Variants in NRXN3 observed in about 807,000 individuals in gnomAD.
NRXN3 encodes the protein neurexin 3.
A neutral mutation model predicts 137.6 loss-of-function variants in NRXN3; 32 were observed. That is an observed-to-expected ratio of 0.23 (90% confidence interval 0.18 to 0.31). The LOEUF (loss-of-function observed/expected upper bound fraction) is 0.31. Among genes scored for constraint, NRXN3 ranks in the 10% least tolerant of loss-of-function variants. The pLI is 1.00. For synonymous variants in NRXN3, 798 were observed against 784.5 expected, an observed-to-expected ratio of 1.02 and a Z score of -0.29; for missense variants, 1,574 against 2,062.5, an observed-to-expected ratio of 0.76 and a Z score of 4.59.
chr14:79,815,368 A>C (rs2099248592), intron 20 of NRXN3, among the ~76,000 whole-genome samples: 1 of 152,240 alleles, frequency 6.6e-6, no homozygotes, highest in Non-Finnish European at 1.5e-5. Flanking sequence ...TAAAGATTTC[A>C]GATGAAAAAT....
chr14:79,011,382 C>A (rs1171659553), intron 15 of NRXN3, among the ~76,000 whole-genome samples: 2 of 108,356 alleles, frequency 1.8e-5, no homozygotes, highest in African/African-American at 3.9e-5. Flanking sequence ...CACCTCCCCC[C>A]AACCCACCTC....
At chr14:78,336,411 A>G (rs993871952) in intron 4 of NRXN3, among the ~76,000 whole-genome samples, 1 of 152,174 alleles carries the variant, frequency 6.6e-6, no homozygotes, top group African/African-American at 2.4e-5. Context: ...AGACAAACTC[A>G]TTATTTAGCA....
chr14:79,246,745 C>T (rs1221535590), intron 15 of NRXN3: 1 of 152,058 alleles, frequency 6.6e-6, no homozygotes, highest in Non-Finnish European at 1.5e-5. Flanking sequence ...TTTTGTTTTC[C>T]CTGCAACAAG....
chr14:78,535,808 C>A (rs1425184252), intron 4 of NRXN3, among the ~76,000 whole-genome samples: 1 of 152,144 alleles, frequency 6.6e-6, no homozygotes, highest in African/African-American at 2.4e-5. Context: ...TAGAACAGTT[C>A]TGAGAATTAG....
intron 15 of NRXN3, among the ~76,000 whole-genome samples, chr14:79,341,073 A>T (rs918450356): frequency 1.3e-5 from 2 of 152,274 alleles, no homozygotes; most frequent in African/African-American, 4.8e-5. Context: ...GTCTCTGTAC[A>T]GATGATTGAG....
At chr14:78,188,024 G>A (rs975505591) in intron 1 of NRXN3, among the ~76,000 whole-genome samples, 5 of 151,948 alleles carry the variant, frequency 3.3e-5, no homozygotes, top group South Asian at 2.1e-4. Flanking sequence ...GGGAGCACTC[G>A]GGCCATGTGA....
At chr14:78,309,934 G>A (rs540770977) in intron 4 of NRXN3, among the ~76,000 whole-genome samples, 7 of 152,150 alleles carry the variant, frequency 4.6e-5, no homozygotes, top group South Asian at 4.1e-4. Context: ...GGAAGGGTTC[G>A]TTTAAATAGG....
At chr14:78,761,187 A>T (rs1432767502) in intron 8 of NRXN3, among the ~76,000 whole-genome samples, 1 of 152,192 alleles carries the variant, frequency 6.6e-6, no homozygotes, top group South Asian at 2.1e-4. Flanking sequence ...GCTCTTTTCC[A>T]CCCACCATTC....
chr14:79,165,006 G>A (rs1256004936), intron 15 of NRXN3, among the ~76,000 whole-genome samples: 1 of 151,894 alleles, frequency 6.6e-6, no homozygotes, highest in Non-Finnish European at 1.5e-5. Context: ...CACTAATATT[G>A]TAGTATTAAT....
At chr14:78,653,683 T>C (rs1381261528) in intron 6 of NRXN3, among the ~76,000 whole-genome samples, 2 of 140,636 alleles carry the variant, frequency 1.4e-5, no homozygotes, top group African/African-American at 2.7e-5. Flanking sequence ...GATGACTTTA[T>C]CCATGTGGAA....
intron 17 of NRXN3, among the ~76,000 whole-genome samples, chr14:79,680,447 G>A (rs1567870099): frequency 6.6e-6 from 1 of 151,796 alleles, no homozygotes; most frequent in Non-Finnish European, 1.5e-5. Flanking sequence ...GACTGTTTGT[G>A]TGTGTGTGTG....
rs537579407 is a variant in NRXN3, at chr14:78,243,521, T to A, written c.428T>A (p.Val143Glu). 6.3e-7 allele frequency: 1 copy of A among 1,596,496 alleles called. No individual in the cohort carries two copies. Among genetic ancestry groups the A allele is most frequent in the African/African-American group, 1.3e-5 (1 of 75,030 alleles). The change falls in exon 2 of 21, where the codon GTG (valine) becomes GAG (glutamate). Residue 143 changes from valine (V) to glutamate (E), a missense_variant. By Grantham distance (121) the Val-to-Glu change is moderately radical. This residue lies in a region of NRXN3 where 400 missense variants were observed against 527.3 expected (regional missense o/e 0.76). Transcript: ENST00000335750. This position sits in a 1 kb window ranked among gnomAD's most constrained non-coding sequence, Gnocchi z 4.2. ...ELQPQRPYMD[V>E]VSDLFLGGVP... Reference sequence around the variant, plus strand: ...CAGCCCCAGCGGCCCTACATGGATGTGGTCAGTGACTTGTTCCTTGGTGGA... The same window carrying A: ...CAGCCCCAGCGGCCCTACATGGATGAGGTCAGTGACTTGTTCCTTGGTGGA...
At chr14:78,894,400 A>G (rs2099167637) in intron 10 of NRXN3, among the ~76,000 whole-genome samples, 1 of 151,808 alleles carries the variant, frequency 6.6e-6, no homozygotes, top group Non-Finnish European at 1.5e-5. Context: ...TATAGAAGCA[A>G]CTCTTAAAAT....
intron 6 of NRXN3, among the ~76,000 whole-genome samples, chr14:78,668,766 C>A (rs188392514): frequency 1.3e-5 from 2 of 152,256 alleles, no homozygotes; most frequent in Admixed American, 1.3e-4. Context: ...GTCATAGATA[C>A]TGTATAAACA....
At chr14:78,640,172 T>A (rs2097608133) in intron 4 of NRXN3, among the ~76,000 whole-genome samples, 1 of 152,206 alleles carries the variant, frequency 6.6e-6, no homozygotes, top group African/African-American at 2.4e-5. Context: ...TGCTAGGAAC[T>A]TCTGCTTACA....
chr14:79,360,665 TA>T (rs1030765093), intron 15 of NRXN3, among the ~76,000 whole-genome samples: 1 of 152,168 alleles, frequency 6.6e-6, no homozygotes, highest in Non-Finnish European at 1.5e-5. Flanking sequence ...ATTTATTCTT[TA>T]AAAATGGTCA....
intron 15 of NRXN3, among the ~76,000 whole-genome samples, chr14:79,001,188 C>T (rs531068888): frequency 5.5e-4 from 83 of 152,280 alleles, no homozygotes; most frequent in African/African-American, 1.9e-3. Flanking sequence ...ACCACTGAAG[C>T]CATGATAGTG....
intron 8 of NRXN3, among the ~76,000 whole-genome samples, chr14:78,781,688 T>C (rs1247936417): frequency 2.0e-5 from 3 of 152,174 alleles, no homozygotes; most frequent in Admixed American, 2.0e-4. Flanking sequence ...ACTGTAGACA[T>C]ACAAAACCAA....
chr14:78,526,411 G>A (rs901744954), intron 4 of NRXN3, among the ~76,000 whole-genome samples: 2 of 152,200 alleles, frequency 1.3e-5, no homozygotes, highest in African/African-American at 4.8e-5. Context: ...TGATGCAAAC[G>A]TTTCTGTGGA....
Sources: gnomAD v4.1 joint callset for allele counts (sites outside exome capture counted in the v4.1 genomes callset) on GRCh38, gnomAD v4.1.1 for gene constraint, gnomAD v4.1.1 regional missense constraint, Gnocchi (gnomAD v3.1) non-coding constraint, MANE v1.5 for transcripts, NCBI Gene and HGNC (gene_info 2026-07-23, HGNC 2026-07-21) for gene names.